Variants in CHODL observed in about 807,000 individuals in gnomAD.
The protein encoded by CHODL is chondrolectin.
Under a neutral mutation model 34.5 loss-of-function variants are expected in CHODL, and 29 were observed. That is an observed-to-expected ratio of 0.84 (90% CI 0.63 to 1.15). The LOEUF is 1.15. CHODL is among the 50% of genes most tolerant of loss of function. The pLI, the probability that CHODL is intolerant of heterozygous loss-of-function variation, is 0.00. For missense variants in CHODL, 332 were observed against 332.5 expected, an observed-to-expected ratio of 1.00 and a Z score of 0.01; for synonymous variants, 125 against 116.1, an observed-to-expected ratio of 1.08 and a Z score of -0.49.
chr21:18,015,622 A>T (rs1258001514), intron 1 of CHODL, among the ~76,000 whole-genome samples: 1 of 152,178 alleles, frequency 6.6e-6, no homozygotes, highest in Non-Finnish European at 1.5e-5. Context: ...AGAAGACAGG[A>T]AAATGAGGGA....
chr21:17,967,390 T>C (rs1325751942), intron 1 of CHODL, among the ~76,000 whole-genome samples: 1 of 152,190 alleles, frequency 6.6e-6, no homozygotes, highest in Non-Finnish European at 1.5e-5. Flanking sequence ...TAAAAACACA[T>C]TCTTTTTCTT....
chr21:18,056,381 T>A (rs957480030), intron 2 of CHODL, among the ~76,000 whole-genome samples: 1 of 151,602 alleles, frequency 6.6e-6, no homozygotes, highest in African/African-American at 2.4e-5. Flanking sequence ...ATTATTTATC[T>A]TTTAATATCT....
At chr21:18,258,816 A>G (rs1007530323) in intron 3 of CHODL, among the ~76,000 whole-genome samples, 13 of 151,944 alleles carry the variant, frequency 8.6e-5, no homozygotes, top group African/African-American at 3.1e-4. Context: ...CCTTGAGCTT[A>G]GTGTCTGCTT....
chr21:18,222,436 A>G (rs1298812878), intron 2 of CHODL, among the ~76,000 whole-genome samples: 1 of 152,156 alleles, frequency 6.6e-6, no homozygotes, highest in Non-Finnish European at 1.5e-5. Flanking sequence ...GGACACTGAA[A>G]GGTGGGAACC....
chr21:18,009,659 C>T (rs746253841), intron 1 of CHODL, among the ~76,000 whole-genome samples: 32 of 151,848 alleles, frequency 2.1e-4, no homozygotes, highest in Non-Finnish European at 3.1e-4. Context: ...CAGGCCAAGG[C>T]GGGAGGATCA....
chr21:18,050,667 AAGG>A (rs2064502492), intron 2 of CHODL, among the ~76,000 whole-genome samples: 1 of 151,922 alleles, frequency 6.6e-6, no homozygotes, highest in East Asian at 2.0e-4. Flanking sequence ...TGCTAGTGTG[AAGG>A]AGAAAACTGG....
At chr21:18,191,865 A>T (rs529585989) in intron 2 of CHODL, among the ~76,000 whole-genome samples, 1 of 152,306 alleles carries the variant, frequency 6.6e-6, no homozygotes, top group East Asian at 1.9e-4. Flanking sequence ...CTACGTTAGT[A>T]AGTTCTAGAG....
intron 2 of CHODL, among the ~76,000 whole-genome samples, chr21:18,197,408 C>T (rs1489694058): frequency 2.0e-5 from 3 of 152,068 alleles, no homozygotes; most frequent in Admixed American, 6.6e-5. Context: ...GTCAGGAGTT[C>T]GAGACCAACC....
At chr21:18,011,145 T>C (rs1012728338) in intron 1 of CHODL, among the ~76,000 whole-genome samples, 1 of 152,192 alleles carries the variant, frequency 6.6e-6, no homozygotes, top group African/African-American at 2.4e-5. Context: ...AGTAAGGATA[T>C]GTAGATGGGT....
chr21:18,190,934 G>T (rs1380152331), intron 2 of CHODL, among the ~76,000 whole-genome samples: 8 of 152,036 alleles, frequency 5.3e-5, no homozygotes, highest in Admixed American at 5.2e-4. Flanking sequence ...TTCGTGTCTG[G>T]AAATAAAAGG....
In CHODL at chr21:17,954,032, A is replaced by T. The variant is rs567950783; in HGVS notation, c.-145+36632A>T. Among the ~76,000 whole-genome samples, 71 of 152,302 alleles carry T rather than the reference A, an allele frequency of 4.7e-4. 1 individual carries two copies. On this transcript the variant is annotated intron_variant, in intron 1 of 6. Transcript: ENST00000400127. ...TCAAAAAAAATTTTTTTAAATAAAT[A>T]AATGTATAAATGTAAAGACTAAGAA...
intron 1 of CHODL, among the ~76,000 whole-genome samples, chr21:18,248,681 TA>T (rs2074179074): frequency 3.2e-5 from 4 of 124,250 alleles, no homozygotes; most frequent in African/African-American, 6.5e-5. Flanking sequence ...TACATATATG[TA>T]TATATTATAT....
At chr21:18,094,742 CAAAAA>C (rs3984979) in intron 2 of CHODL, among the ~76,000 whole-genome samples, 1 of 126,544 alleles carries the variant, frequency 7.9e-6, no homozygotes, top group Non-Finnish European at 1.7e-5. Flanking sequence ...ATGTCTACAT[CAAAAA>C]AAAAAAAAAA....
intron 2 of CHODL, among the ~76,000 whole-genome samples, chr21:18,137,146 AC>A (rs142310653): frequency 4.5e-4 from 68 of 151,880 alleles, no homozygotes; most frequent in African/African-American, 1.6e-3. Context: ...TAAAACCAAC[AC>A]CCTCTTCCTT....
intron 2 of CHODL, among the ~76,000 whole-genome samples, chr21:18,102,896 C>T (rs2065232096): frequency 6.6e-6 from 1 of 152,114 alleles, no homozygotes; most frequent in Non-Finnish European, 1.5e-5. Flanking sequence ...ACATTAATTT[C>T]CTTGGCATAA....
chr21:18,182,842 G>A (rs1255455985), intron 2 of CHODL, among the ~76,000 whole-genome samples: 1 of 152,094 alleles, frequency 6.6e-6, no homozygotes, highest in Non-Finnish European at 1.5e-5. Context: ...GTGGAACTTA[G>A]TCACAATGAA....
At chr21:18,014,175 T>A (rs1275716476) in intron 1 of CHODL, among the ~76,000 whole-genome samples, 2 of 152,098 alleles carry the variant, frequency 1.3e-5, no homozygotes, top group Non-Finnish European at 2.9e-5. Flanking sequence ...ATGTAGGGAA[T>A]GCTAATGGTT....
chr21:18,210,982 T>C (rs556005443), intron 2 of CHODL, among the ~76,000 whole-genome samples: 1 of 152,296 alleles, frequency 6.6e-6, no homozygotes, highest in Admixed American at 6.5e-5. Flanking sequence ...CCTGATTGAA[T>C]TTTGTTCCAG....
chr21:17,943,184 T>C (rs80301775), intron 1 of CHODL, among the ~76,000 whole-genome samples: 1,868 of 152,330 alleles, frequency 0.012, 72 homozygotes, highest in East Asian at 0.11. Flanking sequence ...TTGACTTTAG[T>C]AATGAAGATT....
Sources: gnomAD v4.1 joint callset for allele counts (sites outside exome capture counted in the v4.1 genomes callset) on GRCh38, gnomAD v4.1.1 for gene constraint, MANE v1.5 for transcripts, NCBI Gene and HGNC (gene_info 2026-07-23, HGNC 2026-07-21) for gene names.